The following RELCH variants were observed in gnomAD, a reference collection of about 807,000 sequenced individuals.
RELCH encodes the protein RAB11-binding protein RELCH.
Under a neutral mutation model 150.3 loss-of-function variants are expected in RELCH, and 41 were observed. That is an observed-to-expected ratio of 0.27 (90% CI 0.21 to 0.35). The LOEUF (loss-of-function observed/expected upper bound fraction) is 0.35, where lower values mean the gene tolerates loss of function less well. Among genes scored for constraint, RELCH ranks in the 10% least tolerant of loss-of-function variants. RELCH has a pLI of 1.00. For missense variants in RELCH, 1,092 were observed against 1,467.8 expected (o/e 0.74, Z 4.18); for synonymous variants, 478 against 531.8 (o/e 0.90, Z 1.39).
At chr18:62,291,498 T>C (rs868527316) in intron 26 of RELCH, 45 bp from the exon 27 acceptor site, 2 of 1,157,500 alleles carry the variant, frequency 1.7e-6, no homozygotes, top group Middle Eastern at 3.9e-4. Flanking sequence ...CTGTTGGACA[T>C]ACCAATTTGG....
At chr18:62,269,809 T>C (rs1265154782) in intron 20 of RELCH, among the ~76,000 whole-genome samples, 1 of 152,182 alleles carries the variant, frequency 6.6e-6, no homozygotes, top group East Asian at 1.9e-4. Context: ...ACCTGTATCA[T>C]CTGTTGAACA....
intron 25 of RELCH, chr18:62,284,471 T>A (rs2044688028): frequency 6.6e-6 from 1 of 152,234 alleles, no homozygotes; most frequent in African/African-American, 2.4e-5. Context: ...TTTCACATTT[T>A]GGTACAACCA....
intron 11 of RELCH, among the ~76,000 whole-genome samples, chr18:62,249,466 A>G (rs1270951212): frequency 6.6e-6 from 1 of 152,220 alleles, no homozygotes; most frequent in Non-Finnish European, 1.5e-5. Flanking sequence ...CATTCATTGC[A>G]AACTAAAAAT....
At chr18:62,226,670 T>C (rs2041236854) in intron 5 of RELCH, among the ~76,000 whole-genome samples, 1 of 152,084 alleles carries the variant, frequency 6.6e-6, no homozygotes, top group Non-Finnish European at 1.5e-5. Context: ...AAAGTTAATA[T>C]AAAACAAAGT....
At chr18:62,208,564 G>A (rs1366669887) in intron 1 of RELCH, among the ~76,000 whole-genome samples, 1 of 152,058 alleles carries the variant, frequency 6.6e-6, no homozygotes, top group Non-Finnish European at 1.5e-5. Context: ...TATAGGTAAA[G>A]TTGTGTTACG....
chr18:62,253,053 G>T (rs1348282039), intron 12 of RELCH, among the ~76,000 whole-genome samples: 1 of 152,120 alleles, frequency 6.6e-6, no homozygotes, highest in Admixed American at 6.6e-5. Context: ...AGTAAACAAA[G>T]AAATGGTCTG....
Position 62,305,553 on chromosome 18 carries a change from C to G in RELCH, c.*19C>G, listed in dbSNP as rs1373739508. The G allele has an allele frequency of 6.3e-7, 1 of 1,599,818 alleles. No individual in the cohort carries two copies. The highest frequency in any genetic ancestry group is 2.3e-5 in the East Asian group (1 of 44,396). On this transcript the variant is annotated 3_prime_UTR_variant, in exon 29 of 29. Coordinates refer to ENST00000644646, the MANE Select transcript of RELCH (RefSeq NM_001346231.2). The surrounding 1 kb of genome is among the most constrained non-coding windows in gnomAD (Gnocchi z 4.0). Reference sequence around the variant, plus strand: ...GAAGTAGAAGCAGGAAAGAAGCCCCCAGTAAACACTAAGATGGACCTCAAG... The same window carrying G: ...GAAGTAGAAGCAGGAAAGAAGCCCCGAGTAAACACTAAGATGGACCTCAAG...
At chr18:62,207,266 A>G (rs1651681231) in intron 1 of RELCH, among the ~76,000 whole-genome samples, 1 of 152,304 alleles carries the variant, frequency 6.6e-6, no homozygotes, top group African/African-American at 2.4e-5. Flanking sequence ...TGGTTCTCTT[A>G]TAACTATCTT....
intron 28 of RELCH, among the ~76,000 whole-genome samples, chr18:62,302,796 A>T (rs1018640137): frequency 5.9e-5 from 9 of 152,168 alleles, no homozygotes; most frequent in African/African-American, 2.2e-4. Context: ...AAGTGCTGGG[A>T]TTACAGCTGT....
At chr18:62,280,380 T>C (rs1411555387) in intron 23 of RELCH, 4 of 1,613,990 alleles carry the variant, frequency 2.5e-6, no homozygotes, top group Non-Finnish European at 3.4e-6. Context: ...GAGGCATGAG[T>C]GAAGCGTTAG....
At chr18:62,216,379 G>A (rs74887004) in intron 2 of RELCH, among the ~76,000 whole-genome samples, 2,601 of 152,140 alleles carry the variant, frequency 0.017, 86 homozygotes, top group East Asian at 0.13. Context: ...TCCTGTTTCA[G>A]GTTCACAAGA....
At chr18:62,192,430 G>A (rs1269027809) in intron 1 of RELCH, among the ~76,000 whole-genome samples, 1 of 152,106 alleles carries the variant, frequency 6.6e-6, no homozygotes, top group East Asian at 1.9e-4. Flanking sequence ...TGTTGCAATT[G>A]CTTTTGGCAT....
intron 11 of RELCH, 148 bp from the exon 12 acceptor site, chr18:62,252,516 C>CA (rs968434448): frequency 5.5e-5 from 35 of 641,448 alleles, no homozygotes; most frequent in African/African-American, 2.4e-4. Flanking sequence ...GACTCTATCT[C>CA]AAAAAAAATA....
intron 27 of RELCH, among the ~76,000 whole-genome samples, chr18:62,298,566 G>A (rs2045525526): frequency 6.6e-6 from 1 of 152,166 alleles, no homozygotes; most frequent in Admixed American, 6.5e-5. Flanking sequence ...AAGAAGACTA[G>A]TGAAAATCAA....
At chr18:62,207,747 G>T (rs139715137) in intron 1 of RELCH, among the ~76,000 whole-genome samples, 24 of 152,208 alleles carry the variant, frequency 1.6e-4, no homozygotes, top group African/African-American at 5.5e-4. Flanking sequence ...TTACAAAATT[G>T]TACAACTGTC....
intron 10 of RELCH, among the ~76,000 whole-genome samples, chr18:62,240,107 C>T (rs1371150968): frequency 1.3e-5 from 2 of 151,352 alleles, no homozygotes; most frequent in East Asian, 3.9e-4. Flanking sequence ...AATAAAAATC[C>T]AAATAAAATA....
rs1254435958 is a variant in RELCH, at chr18:62,308,226, C to T, written c.*2692C>T. The T allele has an allele frequency of 6.6e-6, 1 of 152,128 alleles. No individual in the cohort carries two copies. Among genetic ancestry groups the T allele is most frequent in the Non-Finnish European group, 1.5e-5 (1 of 68,022 alleles). 9.4% of individuals were successfully genotyped at this position (152,128 alleles called of 1,614,324 possible). On this transcript the variant is annotated 3_prime_UTR_variant, in exon 29 of 29. Coordinates refer to ENST00000644646, the MANE Select transcript of RELCH (RefSeq NM_001346231.2). ...CTTTTCATCATCCCATTTTTCAAGACAACCTATTTTGGACCATTATTTGAA... is the reference window on the plus strand; with the variant it reads ...CTTTTCATCATCCCATTTTTCAAGATAACCTATTTTGGACCATTATTTGAA...
intron 28 of RELCH, 104 bp downstream of exon 28, chr18:62,298,964 C>T: frequency 6.4e-6 from 4 of 625,400 alleles, no homozygotes; most frequent in Middle Eastern, 5.3e-4. Context: ...ACGTTATAGT[C>T]CTTTGTTTGG....
intron 20 of RELCH, among the ~76,000 whole-genome samples, chr18:62,273,439 C>A (rs2044019309): frequency 6.6e-6 from 1 of 152,040 alleles, no homozygotes; most frequent in African/African-American, 2.4e-5. Flanking sequence ...AATCAATTTT[C>A]TACTATTTTT....
Sources: gnomAD v4.1 joint callset for allele counts (sites outside exome capture counted in the v4.1 genomes callset) on GRCh38, gnomAD v4.1.1 for gene constraint, Gnocchi (gnomAD v3.1) non-coding constraint, MANE v1.5 for transcripts, NCBI Gene and HGNC (gene_info 2026-07-23, HGNC 2026-07-21) for gene names.